The following CYP4F11 variants were observed in gnomAD, a reference collection of about 807,000 sequenced individuals.
The protein encoded by CYP4F11 is cytochrome P450 4F11.
Under a neutral mutation model 62.2 loss-of-function variants are expected in CYP4F11, and 79 were observed. The observed-to-expected ratio is 1.27, with a 90% CI of 1.06 to 1.53. The LOEUF (loss-of-function observed/expected upper bound fraction) is 1.53, where lower values mean the gene tolerates loss of function less well. Among genes scored for constraint, CYP4F11 ranks in the 40% most tolerant of loss-of-function variants. The pLI is 0.00. For synonymous variants in CYP4F11, 290 were observed against 263.7 expected (o/e 1.10, Z -0.97); for missense variants, 777 against 680.5 (o/e 1.14, Z -1.58).
intron 8 of CYP4F11, among the ~76,000 whole-genome samples, chr19:15,920,574 T>C (rs1328859045): frequency 6.6e-6 from 1 of 152,216 alleles, no homozygotes; most frequent in Non-Finnish European, 1.5e-5. Context: ...AGCAAAGGCT[T>C]GGATGTAAGG....
intron 2 of CYP4F11, among the ~76,000 whole-genome samples, chr19:15,929,113 C>G (rs566931750): frequency 7.9e-4 from 120 of 152,332 alleles, no homozygotes; most frequent in African/African-American, 2.7e-3. Flanking sequence ...AGTTGTCACA[C>G]CCATCTCCTT....
intron 8 of CYP4F11, among the ~76,000 whole-genome samples, chr19:15,918,151 C>T (rs2089596899): frequency 6.6e-6 from 1 of 152,144 alleles, no homozygotes; most frequent in Non-Finnish European, 1.5e-5. Context: ...ATGGATGGAG[C>T]TGGAAGCCGT....
chr19:15,922,287 G>A, intron 7 of CYP4F11, 77 bp downstream of exon 7: 1 of 1,606,358 alleles, frequency 6.2e-7, no homozygotes, highest in Non-Finnish European at 8.5e-7. Context: ...AGAATTAAGT[G>A]ATCCAGGGTC....
At chr19:15,922,843 C>T (rs4808411) in intron 6 of CYP4F11, among the ~76,000 whole-genome samples, 59,436 of 151,774 alleles carry the variant, frequency 0.39, 12,832 homozygotes, top group Non-Finnish European at 0.48. Flanking sequence ...CACCTGAGGT[C>T]GGGAGTTCGC....
chr19:15,925,044 A>G (rs1319419809), intron 4 of CYP4F11, among the ~76,000 whole-genome samples, 162 bp from the exon 5 acceptor site: 6 of 152,178 alleles, frequency 3.9e-5, no homozygotes, highest in Non-Finnish European at 8.8e-5. Flanking sequence ...AGAAACTGTT[A>G]CTATTAGGAG....
At chr19:15,929,684 G>T in intron 1 of CYP4F11, 83 bp from the exon 2 acceptor site, 1 of 1,432,666 alleles carries the variant, frequency 7.0e-7, no homozygotes. Flanking sequence ...ACGTGACCGA[G>T]CCAAGAGATG....
In CYP4F11 at chr19:15,913,230, G is replaced by A. The variant is rs1018973529; in HGVS notation, c.*502C>T. On this transcript the variant is annotated 3_prime_UTR_variant, in exon 12 of 12. Transcript: ENST00000402119. ...TCACAGAGAGAACGCACTGGGAGGG[G>A]GAGAAACAGGGGTGGGAAGTTGGTG... The A allele has an allele frequency of 6.1e-5, 10 of 163,542 alleles. No individual in the cohort carries two copies. The South Asian group carries it at 1.5e-3, about 24-fold the overall frequency. 10.1% of individuals were successfully genotyped at this position (163,542 alleles called of 1,614,324 possible).
rs2089656214 is a variant in CYP4F11 at position 15,924,792 on chromosome 19, A to G, written c.616T>C (p.Cys206Arg). 2 of 1,612,606 alleles carry G rather than the reference A, an allele frequency of 1.2e-6. No individual in the cohort carries two copies. The highest frequency in any genetic ancestry group is 1.1e-5 in the South Asian group (1 of 91,048). Reference sequence around the variant, plus strand: ...CAATTGCTTTCAAAGCTGAAGACACATTTCTGCAGACTGTCCAAGGTCATG... The same window carrying G: ...CAATTGCTTTCAAAGCTGAAGACACGTTTCTGCAGACTGTCCAAGGTCATG... ...SLMTLDSLQK[C>R]VFSFESNCQE... Residue 206 changes from cysteine to arginine, a missense_variant, in exon 5 of 12, where the codon TGT becomes CGT. Transcript: ENST00000402119.
At position 15,917,287 on chromosome 19, in the gene CYP4F11, G is replaced by A. The variant is rs554715913; in HGVS notation, c.1116-2392C>T. The stretch of plus-strand genomic sequence containing the variant: ...GGACTCAGGGAGGGACGTTGGGAGG[G>A]AGGCAAGGGATAAAAGGTTACATAT... On this transcript the variant is annotated intron_variant, in intron 8 of 11. Coordinates refer to ENST00000402119, the MANE Select transcript of CYP4F11 (RefSeq NM_021187.4). Among the ~76,000 whole-genome samples, 186 of 152,208 alleles carry A rather than the reference G, an allele frequency of 1.2e-3. 3 individuals carry two copies. The highest frequency in any genetic ancestry group is 4.3e-3 in the African/African-American group (179 of 41,530).
At chr19:15,924,996 G>A (rs185015633) in intron 4 of CYP4F11, 114 bp from the exon 5 acceptor site, 1 of 1,248,548 alleles carries the variant, frequency 8.0e-7, no homozygotes, top group Non-Finnish European at 1.1e-6. Context: ...TCTGCCCCAG[G>A]TACCCATCCC....
chr19:15,914,236 GTAAC>G, intron 11 of CYP4F11, 65 bp downstream of exon 11: 1 of 1,530,872 alleles, frequency 6.5e-7, no homozygotes, highest in Admixed American at 1.8e-5. Context: ...GGGACCATCT[GTAAC>G]TTCCCCCTTT....
intron 6 of CYP4F11, among the ~76,000 whole-genome samples, chr19:15,922,840 G>C (rs1032990945): frequency 6.6e-6 from 1 of 152,162 alleles, no homozygotes; most frequent in Non-Finnish European, 1.5e-5. Context: ...GGTCACCTGA[G>C]GTCGGGAGTT....
At chr19:15,917,683 A>G (rs978469093) in intron 8 of CYP4F11, among the ~76,000 whole-genome samples, 1 of 152,220 alleles carries the variant, frequency 6.6e-6, no homozygotes, top group Non-Finnish European at 1.5e-5. Context: ...AGGCAACAAA[A>G]GACAGAAAAA....
chr19:15,919,360 T>G (rs116281030), intron 8 of CYP4F11, among the ~76,000 whole-genome samples: 2 of 150,674 alleles, frequency 1.3e-5, no homozygotes, highest in East Asian at 3.9e-4. Flanking sequence ...GATGGATAGA[T>G]AGATAGATAG....
At chr19:15,919,321 TG>T (rs2089605314) in intron 8 of CYP4F11, among the ~76,000 whole-genome samples, 1 of 149,498 alleles carries the variant, frequency 6.7e-6, no homozygotes, top group Admixed American at 6.7e-5. Flanking sequence ...AGTATATATA[TG>T]GAAATAGATG....
rs546644781 is a variant in CYP4F11, at chr19:15,924,036, C to G, written c.694G>C (p.Val232Leu). The G allele has an allele frequency of 3.7e-6, 6 of 1,614,158 alleles. No individual in the cohort carries two copies. In the African/African-American group the frequency reaches 8.0e-5, roughly 22 times the overall value. Residue 232 changes from valine to leucine, a missense_variant, in exon 6 of 12, where the codon GTA (valine) becomes CTA (leucine). Coordinates refer to ENST00000402119, the MANE Select transcript of CYP4F11 (RefSeq NM_021187.4). ...IAAILELSAF[V>L]EKRNQQILLH... ...AGAATCTGCTGGTTTCTCTTTTCTA[C>G]AAAGGCACTGAGCTCCAAGATGGCG... is the stretch of plus-strand genomic sequence containing the variant.
At chr19:15,920,318 A>C (rs2089616034) in intron 8 of CYP4F11, among the ~76,000 whole-genome samples, 1 of 152,166 alleles carries the variant, frequency 6.6e-6, no homozygotes, top group South Asian at 2.1e-4. Flanking sequence ...TATTTTATGT[A>C]CTCCTACTCA....
chr19:15,930,035 G>T (rs62104909), intron 1 of CYP4F11, among the ~76,000 whole-genome samples: 9,975 of 145,148 alleles, frequency 0.069, 1,103 homozygotes, highest in East Asian at 0.53. Flanking sequence ...TCCAATTTCC[G>T]TAATAAACTC....
intron 6 of CYP4F11, among the ~76,000 whole-genome samples, chr19:15,923,238 C>CTTCT (rs2089642090): frequency 1.8e-5 from 2 of 110,458 alleles, no homozygotes; most frequent in Non-Finnish European, 3.7e-5. Flanking sequence ...AAGCAAACAT[C>CTTCT]CTCTCTCTCT....
Sources: allele counts gnomAD v4.1 joint callset (sites outside exome capture counted in the v4.1 genomes callset), GRCh38; gene constraint gnomAD v4.1.1; transcripts MANE v1.5; gene names NCBI Gene and HGNC (gene_info 2026-07-23, HGNC 2026-07-21).